The following IL1RAPL1 variants were observed in gnomAD, a reference collection of about 807,000 sequenced individuals.
The protein encoded by IL1RAPL1 is interleukin-1 receptor accessory protein-like 1.
In IL1RAPL1, 3 loss-of-function variants were observed where a neutral mutation model predicts 48.4. The ratio of observed to expected loss-of-function variants is 0.06; its 90% CI spans 0.03 to 0.16. The LOEUF is 0.16. Ranked by LOEUF, IL1RAPL1 falls within the 10% of genes least tolerant of loss-of-function variation. IL1RAPL1 has a pLI of 1.00. For synonymous variants in IL1RAPL1, 185 were observed against 187.7 expected, an observed-to-expected ratio of 0.99 and a Z score of 0.12; for missense variants, 349 against 530.6, an observed-to-expected ratio of 0.66 and a Z score of 3.36.
intron 6 of IL1RAPL1, among the ~76,000 whole-genome samples, chrX:29,870,885 T>C (rs1931786717): frequency 8.9e-6 from 1 of 112,238 alleles, no homozygotes; most frequent in South Asian, 3.7e-4. Context: ...AGATTTCTAT[T>C]GCTGCTGTAA....
chrX:29,507,235 T>TTTTC (rs889389402), intron 5 of IL1RAPL1, among the ~76,000 whole-genome samples: 7 of 103,040 alleles, frequency 6.8e-5, no homozygotes, highest in African/African-American at 2.5e-4. Context: ...ATATTTTATT[T>TTTTC]TTTCTTTCTT....
At chrX:28,875,862 C>T (rs1922358426) in intron 2 of IL1RAPL1, among the ~76,000 whole-genome samples, 2 of 111,717 alleles carry the variant, frequency 1.8e-5, no homozygotes, top group Admixed American at 9.5e-5. Context: ...GTTTGAAATG[C>T]GTGAATTCTT....
intron 1 of IL1RAPL1, among the ~76,000 whole-genome samples, chrX:28,741,672 T>C (rs933522161): frequency 1.8e-5 from 2 of 111,869 alleles, no homozygotes; most frequent in Non-Finnish European, 3.8e-5. Context: ...TAACTTGTGA[T>C]ACAAAATAGG....
chrX:29,348,624 T>C (rs1047679884), intron 3 of IL1RAPL1, among the ~76,000 whole-genome samples: 1 of 111,651 alleles, frequency 9.0e-6, no homozygotes, highest in African/African-American at 3.3e-5. Context: ...ACTGCTTTCC[T>C]GCTTGGATGA....
At chrX:28,845,675 C>CAT (rs199776924) in intron 2 of IL1RAPL1, among the ~76,000 whole-genome samples, 2,223 of 111,771 alleles carry the variant, frequency 0.02, 61 homozygotes, top group African/African-American at 0.068. Flanking sequence ...GGTCAATCCT[C>CAT]ATATAAAGTA....
chrX:29,309,341 A>G (rs1932672564), intron 3 of IL1RAPL1, among the ~76,000 whole-genome samples: 1 of 111,360 alleles, frequency 9.0e-6, no homozygotes, highest in Admixed American at 9.5e-5. Flanking sequence ...TATCAAAATT[A>G]GGCTCCTACC....
At chrX:29,118,244 T>C (rs1034280639) in intron 2 of IL1RAPL1, among the ~76,000 whole-genome samples, 2 of 112,440 alleles carry the variant, frequency 1.8e-5, no homozygotes, top group African/African-American at 6.4e-5. Flanking sequence ...AATAGCTACA[T>C]TTATTGATTG....
rs201315872 is a variant in IL1RAPL1 at position 29,803,010 on chromosome X, C to CAT, written c.779-114451_779-114450dup. 5.8e-3 allele frequency among the ~76,000 whole-genome samples: 364 copies of CAT among 63,178 alleles called. 9 individuals are homozygous for CAT. The highest frequency in any genetic ancestry group is 0.021 in the African/African-American group (285 of 13,662). 54.9% of individuals were successfully genotyped at this position (63,178 alleles called of 115,157 possible). On this transcript the variant is annotated intron_variant, in intron 6 of 10. Coordinates refer to ENST00000378993, the MANE Select transcript of IL1RAPL1 (RefSeq NM_014271.4). ...GTACATATATATGTATGCATATATA[C>CAT]ATATGTGTACATATACATGTATGCA...
chrX:28,879,581 A>G (rs1368367116), intron 2 of IL1RAPL1, among the ~76,000 whole-genome samples: 4 of 111,777 alleles, frequency 3.6e-5, no homozygotes, highest in Non-Finnish European at 7.5e-5. Flanking sequence ...TGTGGAATAG[A>G]TGATTGCTAA....
intron 2 of IL1RAPL1, among the ~76,000 whole-genome samples, chrX:29,253,276 C>G (rs1358229465): frequency 2.7e-5 from 3 of 110,682 alleles, no homozygotes; most frequent in African/African-American, 9.8e-5. Context: ...ATTTTCTGGG[C>G]ATTGTATTCT....
chrX:29,576,581 A>G (rs1247801664), intron 5 of IL1RAPL1, among the ~76,000 whole-genome samples: 3 of 111,438 alleles, frequency 2.7e-5, no homozygotes, highest in Non-Finnish European at 5.6e-5. Flanking sequence ...TTAGCACCAT[A>G]TAACGATTCT....
chrX:28,915,847 A>AT (rs928385340), intron 2 of IL1RAPL1, among the ~76,000 whole-genome samples: 16 of 110,340 alleles, frequency 1.5e-4, no homozygotes, highest in South Asian at 3.8e-4. Flanking sequence ...CAACATATTC[A>AT]TTTTTTTTAA....
chrX:29,465,340 AG>A (rs1934850218), intron 5 of IL1RAPL1, among the ~76,000 whole-genome samples: 1 of 111,579 alleles, frequency 9.0e-6, no homozygotes. Context: ...CATGAGGTTG[AG>A]GCAGCAGTGA....
At chrX:29,925,410 CTG>C (rs1932878020) in intron 8 of IL1RAPL1, among the ~76,000 whole-genome samples, 4 of 6,064 alleles carry the variant, frequency 6.6e-4, no homozygotes, top group African/African-American at 1.4e-3. Context: ...TGTCCCGTAA[CTG>C]TTTTTTTTTT....
At chrX:28,908,420 A>T (rs1923275293) in intron 2 of IL1RAPL1, among the ~76,000 whole-genome samples, 1 of 111,508 alleles carries the variant, frequency 9.0e-6, no homozygotes, top group Non-Finnish European at 1.9e-5. Flanking sequence ...GTAATATTCT[A>T]GAATTTCTCT....
At chrX:29,161,468 C>T (rs1011731976) in intron 2 of IL1RAPL1, among the ~76,000 whole-genome samples, 6 of 112,276 alleles carry the variant, frequency 5.3e-5, no homozygotes, top group African/African-American at 1.9e-4. Context: ...ATGTTTCCTA[C>T]TGCTGAGTTG....
At chrX:29,519,822 A>G (rs1935484575) in intron 5 of IL1RAPL1, among the ~76,000 whole-genome samples, 1 of 111,668 alleles carries the variant, frequency 9.0e-6, no homozygotes, top group African/African-American at 3.3e-5. Context: ...TCCAAGGCAT[A>G]GCCTAAATGA....
At chrX:29,475,565 T>G (rs1887398745) in intron 5 of IL1RAPL1, among the ~76,000 whole-genome samples, 1 of 112,141 alleles carries the variant, frequency 8.9e-6, no homozygotes, top group South Asian at 3.6e-4. Context: ...AAGGCACCAA[T>G]GAATCTAATA....
chrX:28,721,759 A>G (rs1325721694), intron 1 of IL1RAPL1, among the ~76,000 whole-genome samples: 1 of 110,913 alleles, frequency 9.0e-6, no homozygotes, highest in Non-Finnish European at 1.9e-5. Flanking sequence ...TCCATCTTGA[A>G]TTAATTTTTG....
Sources: allele counts gnomAD v4.1 joint callset (sites outside exome capture counted in the v4.1 genomes callset), GRCh38; gene constraint gnomAD v4.1.1; transcripts MANE v1.5; gene names NCBI Gene and HGNC (gene_info 2026-07-23, HGNC 2026-07-21).